ADGRG2: variants seen among roughly 807,000 people sequenced by gnomAD.
ADGRG2 encodes adhesion G protein-coupled receptor G2, also known as G protein-coupled receptor 64.
A neutral mutation model predicts 74.1 loss-of-function variants in ADGRG2; 26 were observed. That is an observed-to-expected ratio of 0.35 (90% CI 0.26 to 0.49). ADGRG2 has a LOEUF of 0.49. Among genes scored for constraint, ADGRG2 ranks in the 20% least tolerant of loss-of-function variants. ADGRG2 has a pLI of 0.99. For synonymous variants in ADGRG2, 296 were observed against 295.2 expected (o/e 1.00, Z -0.03); for missense variants, 619 against 763.1 (o/e 0.81, Z 2.22).
At chrX:19,028,975 G>A (rs894265659) in intron 9 of ADGRG2, among the ~76,000 whole-genome samples, 1 of 112,030 alleles carries the variant, frequency 8.9e-6, no homozygotes, top group Non-Finnish European at 1.9e-5. Flanking sequence ...AAATGAACAG[G>A]CATGGGCTGT....
chrX:19,015,573 G>T (rs1306185083), intron 15 of ADGRG2, among the ~76,000 whole-genome samples: 1 of 112,411 alleles, frequency 8.9e-6, no homozygotes, highest in East Asian at 2.8e-4. Context: ...ACAAAAATTA[G>T]CCAGGCGTGG....
chrX:19,023,810 G>C lies in ADGRG2; in HGVS notation c.510+99C>G, dbSNP rs2060643132. 8 of 603,106 alleles carry C rather than the reference G, an allele frequency of 1.3e-5. No individual in the cohort carries two copies. The South Asian group carries it at 1.8e-4, about 14-fold the overall frequency. The allele number at this position is 603,106 out of a possible 1,213,427, so 49.7% of individuals were successfully genotyped here. ...TCATTCTCTTACACAACAAATTTGG[G>C]AGAATTTGAATACATATCTCCCAGG... On this transcript the variant is annotated intron_variant, in intron 12 of 28. Coordinates refer to ENST00000379869, the MANE Select transcript of ADGRG2 (RefSeq NM_001079858.3).
chrX:19,118,219 G>C (rs2062557402), intron 1 of ADGRG2, among the ~76,000 whole-genome samples: 1 of 112,052 alleles, frequency 8.9e-6, no homozygotes. Flanking sequence ...CAATTTGACT[G>C]TCTACTTTGA....
chrX:19,029,204 T>C (rs1447833142), intron 9 of ADGRG2, among the ~76,000 whole-genome samples: 1 of 111,852 alleles, frequency 8.9e-6, no homozygotes, highest in Admixed American at 9.6e-5. Flanking sequence ...AGTTTCCACA[T>C]ATCGATACTG....
chrX:19,057,961 C>T (rs2061430882), intron 3 of ADGRG2, among the ~76,000 whole-genome samples: 1 of 112,234 alleles, frequency 8.9e-6, no homozygotes, highest in African/African-American at 3.2e-5. Context: ...TTACTCAACA[C>T]CAAAAATGAG....
intron 1 of ADGRG2, among the ~76,000 whole-genome samples, chrX:19,106,153 C>T (rs28665183): frequency 0.24 from 26,412 of 108,234 alleles, 4,607 homozygotes; most frequent in African/African-American, 0.62. Context: ...TGTAGAACAC[C>T]GGTCTGAATT....
Position 19,027,239 on chromosome X carries a change from G to T in ADGRG2, c.450C>A (p.Val150=). The T allele has an allele frequency of 8.7e-7, 1 of 1,154,875 alleles. No homozygotes were observed. Among genetic ancestry groups the T allele is most frequent in the Non-Finnish European group, 1.2e-6 (1 of 843,696 alleles). Residue 150 remains valine (V), a synonymous_variant, in exon 11 of 29, where the codon GTC becomes GTA. Coordinates refer to ENST00000379869, the MANE Select transcript of ADGRG2 (RefSeq NM_001079858.3). ...QHITNGTLTG[V]LSLSELKRSE... is the part of the protein sequence containing the mutation. ...CTCACTTTAATTCACTTAGAGACAG[G>T]ACTCCAGTTAAGGTGCCATTCGTTA... is the stretch of plus-strand genomic sequence containing the variant.
chrX:19,044,384 G>A (rs923002991), intron 3 of ADGRG2, among the ~76,000 whole-genome samples: 1 of 111,530 alleles, frequency 9.0e-6, no homozygotes, highest in African/African-American at 3.3e-5. Context: ...ACTTTTAAGA[G>A]CTATTAGGCC....
chrX:19,033,949 A>G (rs189422522), intron 7 of ADGRG2: 1 of 178,529 alleles, frequency 5.6e-6, no homozygotes, highest in African/African-American at 3.0e-5. Context: ...CTGCTGCTAG[A>G]CAAATGATGT....
intron 2 of ADGRG2, among the ~76,000 whole-genome samples, chrX:19,075,617 CAAA>C (rs61690480): frequency 1.3e-4 from 5 of 39,443 alleles, no homozygotes; most frequent in African/African-American, 2.6e-4. Context: ...GACTTCGCCT[CAAA>C]AAAAAAAAAA....
intron 3 of ADGRG2, among the ~76,000 whole-genome samples, chrX:19,044,927 G>A (rs1215469799): frequency 8.9e-6 from 1 of 112,173 alleles, no homozygotes; most frequent in Non-Finnish European, 1.9e-5. Flanking sequence ...CTTTGCAAAT[G>A]TGATGAACAC....
intron 11 of ADGRG2, among the ~76,000 whole-genome samples, chrX:19,025,123 C>T (rs753294608): frequency 7.2e-5 from 8 of 111,808 alleles, no homozygotes; most frequent in East Asian, 2.8e-4. Flanking sequence ...CGCTGCAGTC[C>T]GGTTTAATTG....
chrX:19,073,737 T>C (rs2061689620), intron 2 of ADGRG2, among the ~76,000 whole-genome samples: 2 of 111,972 alleles, frequency 1.8e-5, no homozygotes, highest in Admixed American at 9.5e-5. Flanking sequence ...GTGAGGGTTA[T>C]TCTCTGTTAT....
At chrX:19,043,866 C>T (rs1261024253) in intron 3 of ADGRG2, among the ~76,000 whole-genome samples, 1 of 110,277 alleles carries the variant, frequency 9.1e-6, no homozygotes, top group Non-Finnish European at 1.9e-5. Context: ...ATTGCTTCTC[C>T]AACTCAGTAT....
chrX:19,082,563 C>T (rs1228780639), intron 2 of ADGRG2, 139 bp downstream of exon 2: 1 of 108,915 alleles, frequency 9.2e-6, no homozygotes, highest in African/African-American at 3.4e-5. Flanking sequence ...AAAAACAAAA[C>T]AAAACAAACA....
intron 1 of ADGRG2, among the ~76,000 whole-genome samples, chrX:19,108,208 T>C (rs1490790610): frequency 9.1e-6 from 1 of 109,611 alleles, no homozygotes; most frequent in Non-Finnish European, 1.9e-5. Flanking sequence ...GGCTCATGCC[T>C]GTAATCCCAG....
At chrX:19,100,163 C>T (rs1389912721) in intron 1 of ADGRG2, among the ~76,000 whole-genome samples, 1 of 112,725 alleles carries the variant, frequency 8.9e-6, no homozygotes, top group African/African-American at 3.2e-5. Context: ...ACAAACACTA[C>T]TTCAACACTC....
intron 3 of ADGRG2, among the ~76,000 whole-genome samples, chrX:19,068,127 C>T (rs12012323): frequency 0.063 from 6,974 of 111,558 alleles, 564 homozygotes; most frequent in African/African-American, 0.21. Context: ...GGTATATACC[C>T]CAAAGAAATG....
rs1475480452 is a variant in ADGRG2 at position 19,070,569 on chromosome X, G to A, written c.-1-1734C>T. ...GGGTGCTGAGAAAGGAATCACTCAT[G>A]GGCACAGGCACAAGCAAGGGGGTGG... On this transcript the variant is annotated intron_variant, in intron 2 of 28. Coordinates refer to ENST00000379869, the MANE Select transcript of ADGRG2 (RefSeq NM_001079858.3). Among the ~76,000 whole-genome samples the A allele has an allele frequency of 2.4e-4, 27 of 112,079 alleles. No individual in the cohort carries two copies. In the Admixed American group the frequency reaches 2.4e-3, roughly 10 times the overall value.
Sources: gnomAD v4.1 joint callset for allele counts (sites outside exome capture counted in the v4.1 genomes callset) on GRCh38, gnomAD v4.1.1 for gene constraint, MANE v1.5 for transcripts, NCBI Gene and HGNC (gene_info 2026-07-23, HGNC 2026-07-21) for gene names.